Variants in CEP112 observed in about 807,000 individuals in gnomAD.
The protein encoded by CEP112 is centrosomal protein 112, also known as centrosomal protein of 112 kDa.
Under a neutral mutation model 153.0 loss-of-function variants are expected in CEP112, and 127 were observed. The ratio of observed to expected loss-of-function variants is 0.83; its 90% confidence interval spans 0.72 to 0.96. The LOEUF (loss-of-function observed/expected upper bound fraction) is 0.96. Among genes scored for constraint, CEP112 ranks in the 40% least tolerant of loss-of-function variants. The pLI, the probability that CEP112 is intolerant of heterozygous loss-of-function variation, is 0.00. For synonymous variants in CEP112, 358 were observed against 374.4 expected, an observed-to-expected ratio of 0.96 and a Z score of 0.51; for missense variants, 1,089 against 1,101.2, an observed-to-expected ratio of 0.99 and a Z score of 0.16.
intron 4 of CEP112, among the ~76,000 whole-genome samples, chr17:66,140,474 G>A (rs1200732532): frequency 1.3e-5 from 2 of 152,054 alleles, no homozygotes; most frequent in Admixed American, 1.3e-4. Context: ...AAAGGAAAAT[G>A]GTTTCTATTT....
At chr17:66,035,261 A>G (rs924525930) in intron 12 of CEP112, among the ~76,000 whole-genome samples, 5 of 152,048 alleles carry the variant, frequency 3.3e-5, no homozygotes, top group Non-Finnish European at 7.4e-5. Context: ...AAGGAGCAGA[A>G]CTATGAGAGG....
At chr17:66,131,912 T>C (rs2070187898) in intron 5 of CEP112, among the ~76,000 whole-genome samples, 2 of 152,164 alleles carry the variant, frequency 1.3e-5, no homozygotes, top group Middle Eastern at 3.4e-3. Context: ...CTCATGCCTG[T>C]AATCCCAACA....
intron 21 of CEP112, among the ~76,000 whole-genome samples, chr17:65,803,808 T>C (rs1305448060): frequency 2.6e-5 from 4 of 152,244 alleles, no homozygotes; most frequent in Admixed American, 6.5e-5. Context: ...TGTCTTACTG[T>C]GTTTTTGTAG....
chr17:66,156,486 T>A (rs2071445617), intron 4 of CEP112, among the ~76,000 whole-genome samples: 1 of 152,090 alleles, frequency 6.6e-6, no homozygotes, highest in South Asian at 2.1e-4. Flanking sequence ...CTCCAAAGGA[T>A]CACAACTCCT....
chr17:65,989,063 A>G (rs2063499414), intron 17 of CEP112, among the ~76,000 whole-genome samples: 1 of 151,390 alleles, frequency 6.6e-6, no homozygotes, highest in Non-Finnish European at 1.5e-5. Context: ...TGTCTCTACT[A>G]AAAATACAAA....
At chr17:65,749,865 T>C (rs1208389181) in intron 22 of CEP112, among the ~76,000 whole-genome samples, 2 of 149,350 alleles carry the variant, frequency 1.3e-5, no homozygotes, top group Admixed American at 6.7e-5. Context: ...ACTGTATATA[T>C]ATATAAAAAT....
intron 4 of CEP112, among the ~76,000 whole-genome samples, chr17:66,160,785 G>C (rs1350049577): frequency 6.6e-6 from 1 of 151,964 alleles, no homozygotes; most frequent in Non-Finnish European, 1.5e-5. Context: ...ATGGGCAAAG[G>C]CTTCATGATT....
chr17:65,964,936 T>C (rs1198714978), intron 17 of CEP112, among the ~76,000 whole-genome samples: 2 of 152,202 alleles, frequency 1.3e-5, no homozygotes, highest in Middle Eastern at 3.2e-3. Context: ...TAAAAGTTTA[T>C]ATATCACTTA....
At chr17:65,792,465 C>T (rs1387927083) in intron 21 of CEP112, among the ~76,000 whole-genome samples, 2 of 151,750 alleles carry the variant, frequency 1.3e-5, no homozygotes, top group African/African-American at 4.8e-5. Flanking sequence ...TGTTTTTGTT[C>T]TCATTAAAAC....
At chr17:66,105,047 C>A (rs1119411) in intron 6 of CEP112, among the ~76,000 whole-genome samples, 1 of 152,210 alleles carries the variant, frequency 6.6e-6, no homozygotes, top group Non-Finnish European at 1.5e-5. Context: ...GAAGTAGAAA[C>A]ACTAAAAGAT....
chr17:65,967,770 C>T (rs2044182), intron 17 of CEP112, among the ~76,000 whole-genome samples: 72,971 of 151,878 alleles, frequency 0.48, 18,523 homozygotes, highest in East Asian at 0.89. Flanking sequence ...GCTAAACTAA[C>T]TTCTGCCTGT....
chr17:65,911,154 T>C (rs1001050728), intron 19 of CEP112, among the ~76,000 whole-genome samples: 2 of 152,228 alleles, frequency 1.3e-5, no homozygotes, highest in African/African-American at 4.8e-5. Context: ...AGCTACTTGA[T>C]GAAATCTCAG....
At chr17:65,656,492 G>T (rs1313069472) in intron 24 of CEP112, among the ~76,000 whole-genome samples, 1 of 152,178 alleles carries the variant, frequency 6.6e-6, no homozygotes, top group African/African-American at 2.4e-5. Flanking sequence ...TAGACCAGGG[G>T]TCAACAAACT....
chr17:65,649,929 T>C (rs1347619933), intron 24 of CEP112, among the ~76,000 whole-genome samples: 1 of 152,042 alleles, frequency 6.6e-6, no homozygotes, highest in Non-Finnish European at 1.5e-5. Context: ...TATTGGTATG[T>C]TGGTTTTGCT....
intron 9 of CEP112, among the ~76,000 whole-genome samples, chr17:66,068,558 C>T (rs955103070): frequency 6.6e-6 from 1 of 152,074 alleles, no homozygotes; most frequent in Non-Finnish European, 1.5e-5. Context: ...TTAGAAAATG[C>T]CAGACAAGAG....
At chr17:65,842,896 GT>G (rs997690389) in intron 21 of CEP112, among the ~76,000 whole-genome samples, 13 of 151,462 alleles carry the variant, frequency 8.6e-5, no homozygotes, top group East Asian at 7.7e-4. Flanking sequence ...ATTTTTTAAG[GT>G]TTTTTTTGGC....
intron 21 of CEP112, among the ~76,000 whole-genome samples, chr17:65,755,293 A>T (rs1241629791): frequency 6.6e-6 from 1 of 151,988 alleles, no homozygotes; most frequent in African/African-American, 2.4e-5. Flanking sequence ...GAGCAGGAGA[A>T]AGAGAGGTGG....
At chr17:65,891,321 T>G (rs969727758) in intron 20 of CEP112, among the ~76,000 whole-genome samples, 1 of 152,176 alleles carries the variant, frequency 6.6e-6, no homozygotes, top group Non-Finnish European at 1.5e-5. Flanking sequence ...TATGCTCAGT[T>G]CGCATCTCTG....
At chr17:66,132,485 T>A (rs1470585759) in intron 5 of CEP112, among the ~76,000 whole-genome samples, 185 bp downstream of exon 5, 1 of 152,154 alleles carries the variant, frequency 6.6e-6, no homozygotes, top group Non-Finnish European at 1.5e-5. Context: ...ATTGAGGAAG[T>A]AGAAGGGATA....
Sources: allele counts gnomAD v4.1 joint callset (sites outside exome capture counted in the v4.1 genomes callset), GRCh38; gene constraint gnomAD v4.1.1; transcripts MANE v1.5; gene names NCBI Gene and HGNC (gene_info 2026-07-23, HGNC 2026-07-21).